The following MCF2 variants were observed in gnomAD, a reference collection of about 807,000 sequenced individuals.
MCF2 encodes the protein MCF.2 cell line derived transforming sequence.
A neutral mutation model predicts 82.5 loss-of-function variants in MCF2; 44 were observed. That is an observed-to-expected ratio of 0.53 (90% CI 0.42 to 0.69). The LOEUF (loss-of-function observed/expected upper bound fraction) is 0.69, where lower values mean the gene tolerates loss of function less well. MCF2 is among the 30% of genes least tolerant of loss of function. The probability of loss-of-function intolerance (pLI) is 0.00; values close to 1 mark genes in which losing one functional copy is unlikely to be tolerated. For missense variants in MCF2, 623 were observed against 663.1 expected, an observed-to-expected ratio of 0.94 and a Z score of 0.66; for synonymous variants, 217 against 224.9, an observed-to-expected ratio of 0.96 and a Z score of 0.32.
At position 139,635,342 on chromosome X, in the gene MCF2, T is replaced by A. The variant is rs968755273; in HGVS notation, c.52-2888A>T. On this transcript the variant is annotated intron_variant, in intron 1 of 24. Coordinates refer to ENST00000370576, the Ensembl canonical transcript of MCF2. ...TTCTATTATGTACGTAATGTATATT[T>A]TATTTTATGTTAAGTATAATATGTA... Among the ~76,000 whole-genome samples the A allele has an allele frequency of 2.7e-5, 3 of 111,144 alleles. No homozygotes were observed. In the East Asian group the frequency reaches 8.5e-4, roughly 31 times the overall value.
rs2104725 is a variant in MCF2 at position 139,685,938 on chromosome X, G to A, written c.-45+22168C>T. Among the ~76,000 whole-genome samples, 506 of 111,154 alleles carry A rather than the reference G, an allele frequency of 4.6e-3. 15 individuals carry two copies. The highest frequency in any genetic ancestry group is 0.043 in the Admixed American group (450 of 10,428). On this transcript the variant is annotated intron_variant, in intron 1 of 27. Transcript: ENST00000414978. ...ATGAAGTAGGCTTTATCCCTGGGAC[G>A]CAAGTTTGGTTCAAGACATGCAAAT... is the stretch of plus-strand genomic sequence containing the variant.
intron 1 of MCF2, among the ~76,000 whole-genome samples, chrX:139,704,558 G>A (rs1394675888): frequency 9.0e-6 from 1 of 111,508 alleles, no homozygotes; most frequent in Non-Finnish European, 1.9e-5. Flanking sequence ...ACTTACTCAT[G>A]TAACAAAACA....
chrX:139,651,736 G>A, exon 2 of MCF2: 2 of 1,161,006 alleles, frequency 1.7e-6, no homozygotes, highest in Non-Finnish European at 2.3e-6. Flanking sequence ...AGAAGGCGAT[G>A]TCTTGCATTA....
At chrX:139,616,667 G>A (rs1240059713) in intron 8 of MCF2, among the ~76,000 whole-genome samples, 194 bp from the exon 12 acceptor site, 1 of 110,261 alleles carries the variant, frequency 9.1e-6, no homozygotes, top group Non-Finnish European at 1.9e-5. Flanking sequence ...CATAAGTTGG[G>A]CATTTATACT....
chrX:139,633,751 G>T (rs1460516218), intron 1 of MCF2, among the ~76,000 whole-genome samples: 1 of 111,293 alleles, frequency 9.0e-6, no homozygotes, highest in Non-Finnish European at 1.9e-5. Context: ...CTTTGGCTTT[G>T]GGAAGAACTG....
chrX:139,693,204 G>T (rs1285564077), intron 1 of MCF2, among the ~76,000 whole-genome samples: 2 of 110,892 alleles, frequency 1.8e-5, no homozygotes, highest in Non-Finnish European at 3.8e-5. Context: ...AGAGGCCAGG[G>T]GTGTTAGCAT....
rs190046350 is a variant in MCF2 at position 139,658,729 on chromosome X, C to T, written c.-44-6941G>A. ...TCACTCTGTTGCCCAGGCTGGAGTG[C>T]AGTGGTGTAATCTTGGCTCATTGCA... On this transcript the variant is annotated intron_variant, in intron 1 of 27. Transcript: ENST00000414978. Among the ~76,000 whole-genome samples the T allele has an allele frequency of 9.0e-3, 818 of 91,184 alleles. 8 individuals carry two copies. Among genetic ancestry groups the T allele is most frequent in the African/African-American group, 0.034 (775 of 22,786 alleles). 79.2% of individuals were successfully genotyped at this position (91,184 alleles called of 115,157 possible). A position where few individuals can be genotyped will look rare whatever the true frequency, so the allele number is the denominator to read the frequency against.
rs1323234450 is a variant in MCF2, at chrX:139,615,068, G to A, written c.1192-16C>T. Reference sequence around the variant, plus strand: ...TCATTTGAACCTGCGAGTTGTATAAGAATTATAGGAAATATTTTATGAAAT... The same window carrying A: ...TCATTTGAACCTGCGAGTTGTATAAAAATTATAGGAAATATTTTATGAAAT... On this transcript the variant is annotated splice_polypyrimidine_tract_variant and intron_variant, in intron 9 of 24. Transcript: ENST00000370576. 2 of 1,156,262 alleles carry A rather than the reference G, an allele frequency of 1.7e-6. No individual in the cohort carries two copies. The highest frequency in any genetic ancestry group is 6.0e-5 in the East Asian group (2 of 33,364).
intron 18 of MCF2, among the ~76,000 whole-genome samples, chrX:139,597,175 A>G (rs1930171281): frequency 9.0e-6 from 1 of 111,145 alleles, no homozygotes; most frequent in African/African-American, 3.3e-5. Context: ...GCAAGCAGCA[A>G]TTATGGAGCA....
chrX:139,606,260 TCC>T (rs959007319), intron 12 of MCF2, among the ~76,000 whole-genome samples: 2 of 109,826 alleles, frequency 1.8e-5, no homozygotes, highest in African/African-American at 6.6e-5. Context: ...GCACTATTTT[TCC>T]CTTTTCAAAG....
chrX:139,640,506 G>A (rs778817266), intron 1 of MCF2, among the ~76,000 whole-genome samples: 58 of 111,093 alleles, frequency 5.2e-4, no homozygotes, highest in South Asian at 1.2e-3. Context: ...TGCCCTTTTC[G>A]TCACATATAT....
At chrX:139,655,234 T>C (rs957138967) in intron 1 of MCF2, among the ~76,000 whole-genome samples, 1 of 112,396 alleles carries the variant, frequency 8.9e-6, no homozygotes, top group African/African-American at 3.2e-5. Context: ...GTGGGTAGAA[T>C]TGTCATTTTA....
chrX:139,704,587 C>T (rs1366843492), intron 1 of MCF2, among the ~76,000 whole-genome samples: 1 of 111,352 alleles, frequency 9.0e-6, no homozygotes, highest in East Asian at 2.8e-4. Flanking sequence ...TCCCCAATAA[C>T]CTGTGGAAAT....
chrX:139,593,541 C>T (rs1384468370), intron 19 of MCF2, among the ~76,000 whole-genome samples: 1 of 110,782 alleles, frequency 9.0e-6, no homozygotes, highest in Non-Finnish European at 1.9e-5. Flanking sequence ...TTTTATGAGG[C>T]CAGCATCATC....
chrX:139,692,460 C>T (rs945947996), intron 1 of MCF2, among the ~76,000 whole-genome samples: 14 of 111,859 alleles, frequency 1.3e-4, no homozygotes, highest in Non-Finnish European at 2.5e-4. Context: ...GGGCAACTCT[C>T]CCTGGGTGCG....
At chrX:139,609,239 A>G (rs1471108714) in intron 11 of MCF2, among the ~76,000 whole-genome samples, 1 of 112,418 alleles carries the variant, frequency 8.9e-6, no homozygotes, top group Non-Finnish European at 1.9e-5. Flanking sequence ...CAAAAAACAC[A>G]AGAAGAAAAT....
intron 1 of MCF2, among the ~76,000 whole-genome samples, chrX:139,707,893 G>A (rs975886388): frequency 4.5e-5 from 5 of 111,735 alleles, no homozygotes; most frequent in Admixed American, 2.9e-4. Context: ...AGGCTATTGC[G>A]GTCTGTATGG....
chrX:139,638,924 A>G (rs1257077984), intron 1 of MCF2, among the ~76,000 whole-genome samples: 2 of 111,715 alleles, frequency 1.8e-5, no homozygotes. Context: ...ACATATAAGT[A>G]TATATAGAGA....
At chrX:139,586,440 T>G in exon 23 of MCF2, 4 of 1,210,387 alleles carry the variant, frequency 3.3e-6, no homozygotes, top group Non-Finnish European at 4.5e-6. Context: ...AGTGCTGGTG[T>G]GTTCCAATTC....
Sources: gnomAD v4.1 joint callset for allele counts (sites outside exome capture counted in the v4.1 genomes callset) on GRCh38, gnomAD v4.1.1 for gene constraint, MANE v1.5 for transcripts, NCBI Gene and HGNC (gene_info 2026-07-23, HGNC 2026-07-21) for gene names.